The following RLF variants were observed in gnomAD, a reference collection of about 807,000 sequenced individuals.
RLF encodes the protein zinc finger protein Rlf.
RLF carries 7 observed loss-of-function variants against 162.9 expected under a neutral mutation model. The observed-to-expected ratio is 0.04, with a 90% CI of 0.02 to 0.08. RLF has a LOEUF of 0.08. RLF is among the 10% of genes least tolerant of loss of function. The pLI, the probability that RLF is intolerant of heterozygous loss-of-function variation, is 1.00. For synonymous variants in RLF, 782 were observed against 791.5 expected (o/e 0.99, Z 0.20); for missense variants, 1,664 against 2,244.7 (o/e 0.74, Z 5.23).
chr1:40,161,592 G>A lies in RLF; in HGVS notation c.193G>A (p.Val65Met), dbSNP rs767860269. Reference protein sequence around the residue: ...QLETELREQEVSEVSSLNYCR... With the variant: ...QLETELREQEMSEVSSLNYCR... ...GGAGACAGAGCTGAGGGAGCAAGAG[G>A]TGTCGGAGGTCTCATCTTTGAACTA... The change falls in exon 1 of 8, where the codon GTG (valine) becomes ATG (methionine). Residue 65 changes from valine (V) to methionine (M), a missense_variant. Transcript: ENST00000372771. This position sits in a 1 kb window ranked among gnomAD's most constrained non-coding sequence, Gnocchi z 4.4. 1 of 1,613,316 alleles carries A rather than the reference G, an allele frequency of 6.2e-7. No homozygotes were observed. The highest frequency in any genetic ancestry group is 1.1e-5 in the South Asian group (1 of 90,954).
rs760264026 is a variant in RLF, at chr1:40,161,446, C to A, written c.47C>A (p.Ala16Asp). The change falls in exon 1 of 8, where the codon GCT (alanine) becomes GAT (aspartate). Residue 16 changes from alanine to aspartate, a missense_variant. Transcript: ENST00000372771. This position sits in a 1 kb window ranked among gnomAD's most constrained non-coding sequence, Gnocchi z 4.4. ...GDAAAVAGAG[A>D]EAPAVAGAGD... ...GCCGCCGCTGTCGCCGGGGCTGGGG[C>A]TGAGGCTCCGGCGGTAGCGGGAGCC... is the stretch of plus-strand genomic sequence containing the variant. 6.3e-7 allele frequency: 1 copy of A among 1,577,792 alleles called. No homozygotes were observed. Among genetic ancestry groups the A allele is most frequent in the East Asian group, 2.4e-5 (1 of 42,228 alleles).
chr1:40,200,867 T>C (rs771490724), intron 4 of RLF, among the ~76,000 whole-genome samples: 58 of 34,838 alleles, frequency 1.7e-3, no homozygotes, highest in Non-Finnish European at 2.4e-3. Context: ...ATTGCTACTC[T>C]ACACACACAC....
In RLF at chr1:40,236,073, A is replaced by G. The variant is rs900995144; in HGVS notation, c.1371A>G (p.Leu457=). The change falls in exon 8 of 8, where the codon CTA becomes CTG. Residue 457 remains leucine, a synonymous_variant. Coordinates refer to ENST00000372771, the MANE Select transcript of RLF (RefSeq NM_012421.4). The surrounding 1 kb of genome is among the most constrained non-coding windows in gnomAD (Gnocchi z 7.7). ...ATTCTCTTCGATGTGAGCTCTTACTAGCTTTAAAAGCCCACTGGCCTTTTG... is the reference window on the plus strand; with the variant it reads ...ATTCTCTTCGATGTGAGCTCTTACTGGCTTTAAAAGCCCACTGGCCTTTTG... ...VPNSLRCELL[L]ALKAHWPFDP... is the part of the protein sequence containing the mutation. 6.2e-7 allele frequency: 1 copy of G among 1,614,010 alleles called. No individual in the cohort carries two copies. The highest frequency in any genetic ancestry group is 8.5e-7 in the Non-Finnish European group (1 of 1,180,012).
chr1:40,221,700 A>G (rs1642997952), intron 5 of RLF, among the ~76,000 whole-genome samples: 3 of 151,770 alleles, frequency 2.0e-5, no homozygotes, highest in Admixed American at 2.0e-4. Context: ...GGAGATTGAG[A>G]CCATCCTGGC....
intron 5 of RLF, among the ~76,000 whole-genome samples, chr1:40,221,046 C>A (rs545354550): frequency 2.0e-5 from 3 of 150,898 alleles, no homozygotes; most frequent in East Asian, 3.9e-4. Context: ...GCAGGAGGAT[C>A]GCTTGAGCCC....
chr1:40,161,650 T>C lies in RLF; in HGVS notation c.237+14T>C. ...AGCTTCTGCCAGGTGAGGGGCTGAC[T>C]GGCTGGCTGAGGGCGGCGGGGCGGG... On this transcript the variant is annotated intron_variant, in intron 1 of 7. Transcript: ENST00000372771. This position sits in a 1 kb window ranked among gnomAD's most constrained non-coding sequence, Gnocchi z 4.4. 6.2e-7 allele frequency: 1 copy of C among 1,606,514 alleles called. No individual in the cohort carries two copies. The highest frequency in any genetic ancestry group is 8.5e-7 in the Non-Finnish European group (1 of 1,177,662).
chr1:40,216,777 A>G (rs1642929524), intron 5 of RLF, among the ~76,000 whole-genome samples: 1 of 152,158 alleles, frequency 6.6e-6, no homozygotes. Flanking sequence ...AGACCAGGCC[A>G]GGTACGGTGT....
chr1:40,197,228 A>G (rs1397686766), intron 4 of RLF, among the ~76,000 whole-genome samples: 1 of 152,224 alleles, frequency 6.6e-6, no homozygotes, highest in Non-Finnish European at 1.5e-5. Context: ...TGCACTGACA[A>G]GAAAAAAAAA....
intron 1 of RLF, among the ~76,000 whole-genome samples, chr1:40,165,827 T>C (rs1642158627): frequency 6.6e-6 from 1 of 152,156 alleles, no homozygotes; most frequent in African/African-American, 2.4e-5. Flanking sequence ...CTTATTAGCT[T>C]GGTATACAAA....
chr1:40,202,668 T>C, intron 5 of RLF, 54 bp downstream of exon 5: 1 of 1,037,764 alleles, frequency 9.6e-7, no homozygotes, highest in South Asian at 1.7e-5. Context: ...TAGATTTATA[T>C]ATATATTGCA....
chr1:40,200,913 C>CACAT lies in RLF; in HGVS notation c.608-1496_608-1495insTACA, dbSNP rs1642704963. ...ACACACACACACACACACACACACA[C>CACAT]ACACACACACACACACACACACACA... On this transcript the variant is annotated intron_variant, in intron 4 of 7. Transcript: ENST00000372771. 2.3e-5 allele frequency among the ~76,000 whole-genome samples: 3 copies of CACAT among 131,542 alleles called. No individual in the cohort carries two copies. In the Admixed American group the frequency reaches 2.3e-4, roughly 10 times the overall value. 86.3% of individuals were successfully genotyped at this position (131,542 alleles called of 152,430 possible).
chr1:40,221,522 C>T (rs12128090), intron 5 of RLF, among the ~76,000 whole-genome samples: 3 of 151,652 alleles, frequency 2.0e-5, no homozygotes, highest in Non-Finnish European at 4.4e-5. Flanking sequence ...GAAGATATGA[C>T]TAAAATTAGA....
intron 1 of RLF, among the ~76,000 whole-genome samples, chr1:40,185,656 C>CA (rs1163398364): frequency 0.12 from 4,586 of 38,714 alleles, 193 homozygotes; most frequent in Non-Finnish European, 0.16. Context: ...ACTAAAAATA[C>CA]AAAAAAAAAA....
intron 5 of RLF, among the ~76,000 whole-genome samples, chr1:40,217,079 C>T (rs995229295): frequency 6.6e-6 from 1 of 152,056 alleles, no homozygotes; most frequent in African/African-American, 2.4e-5. Context: ...CCAGAATGTC[C>T]ACTCATGCAA....
intron 6 of RLF, among the ~76,000 whole-genome samples, chr1:40,230,802 T>C (rs554851146): frequency 1.3e-5 from 2 of 152,340 alleles, no homozygotes; most frequent in South Asian, 4.1e-4. Context: ...TTTCCTTGCA[T>C]TCACATTTTA....
intron 1 of RLF, among the ~76,000 whole-genome samples, chr1:40,182,919 A>G (rs1642426559): frequency 6.6e-6 from 1 of 152,144 alleles, no homozygotes. Flanking sequence ...TAGCCACTTA[A>G]CTTTCTGGTT....
At chr1:40,181,701 A>C (rs1044659696) in intron 1 of RLF, among the ~76,000 whole-genome samples, 9 of 152,238 alleles carry the variant, frequency 5.9e-5, no homozygotes, top group Admixed American at 5.2e-4. Context: ...TATTAAGCTG[A>C]TCCTCACAAG....
intron 5 of RLF, among the ~76,000 whole-genome samples, chr1:40,215,796 G>T (rs1642917542): frequency 1.3e-5 from 2 of 151,854 alleles, no homozygotes; most frequent in South Asian, 4.2e-4. Context: ...CAATATTTAT[G>T]GAGGGAAATT....
In RLF at chr1:40,237,364, C is replaced by T. The variant is rs552837154; in HGVS notation, c.2662C>T (p.Leu888=). 3.1e-6 allele frequency: 5 copies of T among 1,613,718 alleles called. No individual in the cohort carries two copies. The African/African-American group carries it at 4.0e-5, about 13-fold the overall frequency. The change falls in exon 8 of 8, where the codon CTG becomes TTG. Residue 888 remains leucine (L), a synonymous_variant. Coordinates refer to ENST00000372771, the MANE Select transcript of RLF (RefSeq NM_012421.4). This position sits in a 1 kb window ranked among gnomAD's most constrained non-coding sequence, Gnocchi z 4.4. ...SQIDTETAEN[L]KENSDSNSSD... Reference sequence around the variant, plus strand: ...AATAGATACAGAAACTGCAGAAAACCTGAAAGAAAACAGTGACAGTAATTC... The same window carrying T: ...AATAGATACAGAAACTGCAGAAAACTTGAAAGAAAACAGTGACAGTAATTC...
Sources: allele counts gnomAD v4.1 joint callset (sites outside exome capture counted in the v4.1 genomes callset), GRCh38; gene constraint gnomAD v4.1.1; non-coding constraint Gnocchi (gnomAD v3.1); transcripts MANE v1.5; gene names NCBI Gene and HGNC (gene_info 2026-07-23, HGNC 2026-07-21).